The following SPATS2 variants were observed in gnomAD, a reference collection of about 807,000 sequenced individuals.
The protein encoded by SPATS2 is spermatogenesis-associated serine-rich protein 2.
SPATS2 carries 38 observed loss-of-function variants against 63.7 expected under a neutral mutation model. The ratio of observed to expected loss-of-function variants is 0.60; its 90% CI spans 0.46 to 0.78. The LOEUF (loss-of-function observed/expected upper bound fraction) is 0.78, where lower values mean the gene tolerates loss of function less well. Among genes scored for constraint, SPATS2 ranks in the 30% least tolerant of loss-of-function variants. SPATS2 has a pLI of 0.00. For missense variants in SPATS2, 588 were observed against 666.2 expected, an observed-to-expected ratio of 0.88 and a Z score of 1.29; for synonymous variants, 207 against 232.9, an observed-to-expected ratio of 0.89 and a Z score of 1.01.
At chr12:49,504,770 C>CTTTCTT (rs1220484266) in intron 9 of SPATS2, among the ~76,000 whole-genome samples, 14 of 98,842 alleles carry the variant, frequency 1.4e-4, no homozygotes, top group African/African-American at 3.4e-4. Flanking sequence ...TTCTTTCTTT[C>CTTTCTT]TTTTTTTTTT....
rs776045016 is a variant in SPATS2 at position 49,513,823 on chromosome 12, A to G, written c.840-732A>G. Among the ~76,000 whole-genome samples, 19 of 152,310 alleles carry G rather than the reference A, an allele frequency of 1.2e-4. 1 individual carries two copies. The highest frequency in any genetic ancestry group is 8.5e-4 in the Admixed American group (13 of 15,298). On this transcript the variant is annotated intron_variant, in intron 9 of 13. Transcript: ENST00000552918. ...TGCTTGGTAAAAATTAATTAGATGCAAGGCCATCAAATTTTATAGACCAAA... is the reference window on the plus strand; with the variant it reads ...TGCTTGGTAAAAATTAATTAGATGCGAGGCCATCAAATTTTATAGACCAAA...
At chr12:49,473,960 C>T (rs896527105) in intron 3 of SPATS2, among the ~76,000 whole-genome samples, 1 of 152,148 alleles carries the variant, frequency 6.6e-6, no homozygotes, top group African/African-American at 2.4e-5. Context: ...GAGCGATTAC[C>T]TTTGGTGAGT....
intron 2 of SPATS2, among the ~76,000 whole-genome samples, chr12:49,419,230 A>G (rs888438642): frequency 6.6e-6 from 1 of 152,242 alleles, no homozygotes; most frequent in African/African-American, 2.4e-5. Flanking sequence ...TTATGCATTC[A>G]TTTTAAGACT....
intron 2 of SPATS2, among the ~76,000 whole-genome samples, chr12:49,397,274 G>A (rs1441206070): frequency 6.6e-6 from 1 of 152,092 alleles, no homozygotes; most frequent in African/African-American, 2.4e-5. Flanking sequence ...TATTTTCATG[G>A]CATGTATCAT....
chr12:49,436,828 C>G (rs1263576040), intron 2 of SPATS2, among the ~76,000 whole-genome samples: 2 of 141,722 alleles, frequency 1.4e-5, no homozygotes, highest in African/African-American at 5.3e-5. Context: ...GCGCCCCTCA[C>G]CTCCTGGACG....
At chr12:49,519,743 A>G (rs1311979666) in intron 11 of SPATS2, among the ~76,000 whole-genome samples, 1 of 148,694 alleles carries the variant, frequency 6.7e-6, no homozygotes, top group Non-Finnish European at 1.5e-5. Context: ...AGGCTTCTAC[A>G]CTCCACAGAC....
chr12:49,508,938 C>T (rs1166231258), intron 9 of SPATS2, among the ~76,000 whole-genome samples: 3 of 152,030 alleles, frequency 2.0e-5, no homozygotes, highest in Non-Finnish European at 2.9e-5. Context: ...GTGGCGTGCA[C>T]CTGTAGTCCC....
intron 3 of SPATS2, among the ~76,000 whole-genome samples, chr12:49,471,061 T>A (rs1946026500): frequency 1.3e-5 from 2 of 152,228 alleles, no homozygotes; most frequent in African/African-American, 2.4e-5. Flanking sequence ...CTAGTTAGGC[T>A]GTCCTAGCAA....
In SPATS2 at chr12:49,470,683, G is replaced by A. The variant is rs1344151262; in HGVS notation, c.25+9646G>A. 3.9e-5 allele frequency among the ~76,000 whole-genome samples: 6 copies of A among 152,256 alleles called. No homozygotes were observed. The East Asian group carries it at 1.2e-3, about 29-fold the overall frequency. ...CTGCCTAGTGATAATCATGCCATAA[G>A]ATCATCTCCTTCAGTTACCTTTTTT... is the stretch of plus-strand genomic sequence containing the variant. On this transcript the variant is annotated intron_variant, in intron 3 of 13. Transcript: ENST00000552918.
intron 3 of SPATS2, among the ~76,000 whole-genome samples, chr12:49,465,284 G>A (rs1035855937): frequency 1.3e-5 from 2 of 152,016 alleles, no homozygotes; most frequent in South Asian, 2.1e-4. Context: ...CCAAGGTGGC[G>A]ATACACAGTT....
In SPATS2 at chr12:49,494,825, G is replaced by A; in HGVS notation, c.349G>A (p.Glu117Lys). 6.2e-7 allele frequency: 1 copy of A among 1,613,570 alleles called. No individual in the cohort carries two copies. Among genetic ancestry groups the A allele is most frequent in the Non-Finnish European group, 8.5e-7 (1 of 1,179,914 alleles). The part of the protein sequence containing the change: ...PDSSKSVSIQ[E>K]EQSAPSSEKG... ...TTCCAGTAAATCAGTTTCCATTCAA[G>A]AGGAACAGTCTGCGCCTTCCTCAGA... The change falls in exon 7 of 14, where the codon GAG (glutamate) becomes AAG (lysine). Residue 117 changes from glutamate to lysine, a missense_variant. Transcript: ENST00000552918.
At chr12:49,513,589 T>C (rs1946788361) in intron 9 of SPATS2, among the ~76,000 whole-genome samples, 1 of 152,228 alleles carries the variant, frequency 6.6e-6, no homozygotes, top group Non-Finnish European at 1.5e-5. Flanking sequence ...ATGTTCTTTT[T>C]CTGTAAAAAG....
At chr12:49,490,590 C>T in intron 5 of SPATS2, 92 bp from the exon 6 acceptor site, 5 of 1,192,584 alleles carry the variant, frequency 4.2e-6, no homozygotes, top group Non-Finnish European at 6.2e-6. Flanking sequence ...TTTGTAAATT[C>T]TCCAGCAATT....
intron 6 of SPATS2, among the ~76,000 whole-genome samples, chr12:49,493,084 G>C (rs895807865): frequency 7.0e-6 from 1 of 143,588 alleles, no homozygotes; most frequent in African/African-American, 2.7e-5. Context: ...GGCAACAAGA[G>C]CGAAACTCCG....
At chr12:49,435,251 C>G (rs1401327757) in intron 2 of SPATS2, among the ~76,000 whole-genome samples, 3 of 151,472 alleles carry the variant, frequency 2.0e-5, no homozygotes, top group Admixed American at 6.6e-5. Flanking sequence ...AGGATGGTCT[C>G]GATCTCCTGA....
intron 2 of SPATS2, among the ~76,000 whole-genome samples, chr12:49,442,003 G>A (rs895935169): frequency 3.3e-5 from 5 of 151,946 alleles, no homozygotes; most frequent in Non-Finnish European, 2.9e-5. Context: ...ACAATTCTAC[G>A]AAAAAACAAC....
At chr12:49,422,232 CT>C (rs2137425846) in intron 2 of SPATS2, among the ~76,000 whole-genome samples, 1 of 152,308 alleles carries the variant, frequency 6.6e-6, no homozygotes, top group Non-Finnish European at 1.5e-5. Context: ...CACCTCACCA[CT>C]TACCAGCTCT....
At chr12:49,501,959 G>A (rs1338968969) in intron 9 of SPATS2, among the ~76,000 whole-genome samples, 1 of 152,118 alleles carries the variant, frequency 6.6e-6, no homozygotes, top group African/African-American at 2.4e-5. Flanking sequence ...TTTGTGGGAG[G>A]TATTTTATAA....
At chr12:49,456,685 C>T (rs1945725125) in intron 2 of SPATS2, among the ~76,000 whole-genome samples, 1 of 152,142 alleles carries the variant, frequency 6.6e-6, no homozygotes, top group South Asian at 2.1e-4. Flanking sequence ...TGGTCCAGCT[C>T]TGGATGTATT....
Sources: gnomAD v4.1 joint callset for allele counts (sites outside exome capture counted in the v4.1 genomes callset) on GRCh38, gnomAD v4.1.1 for gene constraint, MANE v1.5 for transcripts, NCBI Gene and HGNC (gene_info 2026-07-23, HGNC 2026-07-21) for gene names.